The following CELF4 variants were observed in gnomAD, a reference collection of about 807,000 sequenced individuals.
CELF4 encodes the protein CUGBP Elav-like family member 4.
CELF4 carries 18 observed loss-of-function variants against 59.9 expected under a neutral mutation model. The observed-to-expected ratio is 0.30, with a 90% CI of 0.21 to 0.45. The LOEUF is 0.45. CELF4 is among the 20% of genes least tolerant of loss of function. CELF4 has a pLI of 1.00. For synonymous variants in CELF4, 261 were observed against 267.1 expected (o/e 0.98, Z 0.22); for missense variants, 456 against 689.0 (o/e 0.66, Z 3.79).
chr18:37,527,697 G>A (rs376219883), intron 1 of CELF4, among the ~76,000 whole-genome samples: 10 of 152,150 alleles, frequency 6.6e-5, no homozygotes, highest in Admixed American at 5.2e-4. Context: ...CTCTGGCTGC[G>A]GGGTGGGATA....
At chr18:37,274,014 C>G in intron 6 of CELF4, 1 of 1,234,214 alleles carries the variant, frequency 8.1e-7, no homozygotes, top group East Asian at 4.6e-5. Flanking sequence ...CAACGTTGAT[C>G]TGGCTGAGAG....
intron 2 of CELF4, among the ~76,000 whole-genome samples, chr18:37,332,956 T>C (rs1248547478): frequency 1.3e-5 from 2 of 152,188 alleles, no homozygotes; most frequent in African/African-American, 2.4e-5. Context: ...GGGAGGATCC[T>C]TGTGGTCTTA....
intron 2 of CELF4, among the ~76,000 whole-genome samples, chr18:37,395,408 A>G (rs1267155132): frequency 6.6e-6 from 1 of 152,110 alleles, no homozygotes; most frequent in Non-Finnish European, 1.5e-5. Context: ...CTGCAGTCTG[A>G]GCTGACCCCT....
At chr18:37,484,895 C>G (rs1007999972) in intron 2 of CELF4, among the ~76,000 whole-genome samples, 1 of 152,174 alleles carries the variant, frequency 6.6e-6, no homozygotes, top group African/African-American at 2.4e-5. Context: ...ATCTCTCCCC[C>G]CTCACCACCG....
chr18:37,353,226 A>C (rs1258948615), intron 2 of CELF4, among the ~76,000 whole-genome samples: 1 of 99,696 alleles, frequency 1.0e-5, no homozygotes, highest in African/African-American at 4.2e-5. Flanking sequence ...GTCTCAAAAA[A>C]AAAAAAAATA....
At chr18:37,549,660 G>A (rs950661270) in intron 1 of CELF4, among the ~76,000 whole-genome samples, 1 of 151,922 alleles carries the variant, frequency 6.6e-6, no homozygotes, top group Admixed American at 6.6e-5. Flanking sequence ...GATAAAAAGA[G>A]GTACTATATA....
chr18:37,535,441 C>T (rs910993703), intron 1 of CELF4, among the ~76,000 whole-genome samples: 9 of 152,110 alleles, frequency 5.9e-5, no homozygotes, highest in South Asian at 4.1e-4. Flanking sequence ...GCAGACTTTC[C>T]GAGCAGCTCC....
chr18:37,517,498 C>T (rs1252416016), intron 1 of CELF4, among the ~76,000 whole-genome samples: 1 of 152,114 alleles, frequency 6.6e-6, no homozygotes, highest in Admixed American at 6.5e-5. Flanking sequence ...ATGGTTCCCT[C>T]TGTCACTCTC....
At chr18:37,350,882 AT>A (rs1459685200) in intron 2 of CELF4, among the ~76,000 whole-genome samples, 1 of 152,052 alleles carries the variant, frequency 6.6e-6, no homozygotes, top group Non-Finnish European at 1.5e-5. Context: ...CATGGTCAGG[AT>A]TCCACAACAG....
At chr18:37,405,773 G>C (rs977324611) in intron 2 of CELF4, among the ~76,000 whole-genome samples, 1 of 152,156 alleles carries the variant, frequency 6.6e-6, no homozygotes, top group African/African-American at 2.4e-5. Context: ...TGTGGAGGGA[G>C]AGTGCCTGTG....
rs577832169 is a variant in CELF4, at chr18:37,262,405, A to AG, written c.1249+2268dup. Reference sequence around the variant, plus strand: ...GCAAGGTGTGTGTGTGGGGTGGGGGAGGGGGGGGCAGGAATTGCAGCTGCT... The same window carrying AG: ...GCAAGGTGTGTGTGTGGGGTGGGGGAGGGGGGGGGCAGGAATTGCAGCTGCT... On this transcript the variant is annotated intron_variant, in intron 10 of 12. Transcript: ENST00000420428. Among the ~76,000 whole-genome samples the AG allele has an allele frequency of 2.0e-3, 255 of 126,592 alleles. 1 individual carries two copies. The highest frequency in any genetic ancestry group is 5.5e-3 in the African/African-American group (173 of 31,688). 83.0% of individuals were successfully genotyped at this position (126,592 alleles called of 152,430 possible). A position where few individuals can be genotyped will look rare whatever the true frequency, so the allele number is the denominator to read the frequency against.
At chr18:37,381,072 C>G (rs2099034162) in intron 2 of CELF4, among the ~76,000 whole-genome samples, 1 of 151,446 alleles carries the variant, frequency 6.6e-6, no homozygotes. Context: ...TCTATGCATA[C>G]ATCCATCATC....
Position 37,517,406 on chromosome 18 carries a change from C to T in CELF4, c.287-31799G>A, listed in dbSNP as rs562339213. ...TGTGGTTCCCAGGGTGGCTTTTGGG[C>T]AGGGGCAGGGCGGGGTCCTCCAGGA... On this transcript the variant is annotated intron_variant, in intron 1 of 12. Transcript: ENST00000420428. 2.6e-5 allele frequency among the ~76,000 whole-genome samples: 4 copies of T among 152,096 alleles called. No homozygotes were observed. The East Asian group carries it at 7.8e-4, about 30-fold the overall frequency.
At chr18:37,512,303 C>T (rs936063504) in intron 1 of CELF4, among the ~76,000 whole-genome samples, 2 of 152,210 alleles carry the variant, frequency 1.3e-5, no homozygotes, top group Non-Finnish European at 2.9e-5. Flanking sequence ...TGTCGGCCAC[C>T]CACCCTCCAA....
At chr18:37,377,900 G>T (rs898583884) in intron 2 of CELF4, among the ~76,000 whole-genome samples, 1 of 152,120 alleles carries the variant, frequency 6.6e-6, no homozygotes, top group Non-Finnish European at 1.5e-5. Context: ...GAAGGAGATG[G>T]GGGACTAGGG....
intron 1 of CELF4, among the ~76,000 whole-genome samples, chr18:37,521,597 TA>T (rs1361346127): frequency 1.3e-5 from 2 of 152,232 alleles, no homozygotes; most frequent in Non-Finnish European, 2.9e-5. Flanking sequence ...ACAGCTTATC[TA>T]TAATAAATAT....
intron 1 of CELF4, among the ~76,000 whole-genome samples, chr18:37,534,501 T>C (rs1205194882): frequency 4.6e-5 from 7 of 152,128 alleles, no homozygotes; most frequent in African/African-American, 1.7e-4. Context: ...TTTCTGAGCA[T>C]TAACATCTGC....
At chr18:37,523,032 C>T (rs902249054) in intron 1 of CELF4, among the ~76,000 whole-genome samples, 56 of 152,298 alleles carry the variant, frequency 3.7e-4, no homozygotes, top group African/African-American at 1.2e-3. Context: ...GCAGTGGAGA[C>T]GTTCGTTGCC....
At chr18:37,401,160 C>G (rs2154581041) in intron 2 of CELF4, among the ~76,000 whole-genome samples, 1 of 152,362 alleles carries the variant, frequency 6.6e-6, no homozygotes, top group East Asian at 1.9e-4. Flanking sequence ...AGTGACTCCT[C>G]TGCTGGACCC....
Sources: allele counts gnomAD v4.1 joint callset (sites outside exome capture counted in the v4.1 genomes callset), GRCh38; gene constraint gnomAD v4.1.1; transcripts MANE v1.5; gene names NCBI Gene and HGNC (gene_info 2026-07-23, HGNC 2026-07-21).